Variants in CNTN1 observed in about 807,000 individuals in gnomAD.
CNTN1 encodes contactin-1.
Under a neutral mutation model 126.4 loss-of-function variants are expected in CNTN1, and 38 were observed. The ratio of observed to expected loss-of-function variants is 0.30; its 90% CI spans 0.23 to 0.39. The LOEUF (loss-of-function observed/expected upper bound fraction) is 0.39, where lower values mean the gene tolerates loss of function less well. CNTN1 is among the 10% of genes least tolerant of loss of function. The pLI is 1.00. For missense variants in CNTN1, 1,009 were observed against 1,248.4 expected (o/e 0.81, Z 2.89); for synonymous variants, 413 against 422.6 (o/e 0.98, Z 0.28).
chr12:41,053,289 C>T (rs942226884), intron 23 of CNTN1, among the ~76,000 whole-genome samples: 6 of 150,360 alleles, frequency 4.0e-5, no homozygotes, highest in Admixed American at 6.7e-5. Context: ...TATAGAGTCA[C>T]TATGAATGGC....
At chr12:40,737,144 A>G in intron 1 of CNTN1, among the ~76,000 whole-genome samples, 1 of 151,802 alleles carries the variant, frequency 6.6e-6, no homozygotes, top group East Asian at 1.9e-4. Flanking sequence ...TTATATATAA[A>G]TTTTTTATCT....
chr12:40,695,169 C>G (rs745840950), intron 1 of CNTN1, among the ~76,000 whole-genome samples: 5 of 152,176 alleles, frequency 3.3e-5, no homozygotes, highest in Non-Finnish European at 7.3e-5. Flanking sequence ...TATACCCCAC[C>G]ACATTGAACA....
chr12:41,038,639 G>A (rs574634191), intron 23 of CNTN1, among the ~76,000 whole-genome samples: 1 of 152,232 alleles, frequency 6.6e-6, no homozygotes, highest in East Asian at 1.9e-4. Context: ...CCCAAACAGA[G>A]GTCATTGGTA....
intron 2 of CNTN1, 47 bp downstream of exon 2, chr12:40,908,540 T>G: frequency 7.6e-7 from 1 of 1,312,284 alleles, no homozygotes; most frequent in Non-Finnish European, 1.1e-6. Flanking sequence ...GTCAACATAA[T>G]TGATATGCGT....
intron 17 of CNTN1, chr12:41,004,911 G>C: frequency 6.6e-6 from 1 of 152,110 alleles, no homozygotes; most frequent in Non-Finnish European, 1.5e-5. Context: ...GTTTTAATTG[G>C]GGCATTTAGT....
intron 20 of CNTN1, among the ~76,000 whole-genome samples, chr12:41,021,151 T>C (rs547422223): frequency 6.6e-6 from 1 of 152,170 alleles, no homozygotes; most frequent in African/African-American, 2.4e-5. Flanking sequence ...ATTAACATGG[T>C]TTTTCCTTTA....
At chr12:40,934,199 T>C (rs1945999761) in intron 9 of CNTN1, among the ~76,000 whole-genome samples, 1 of 152,000 alleles carries the variant, frequency 6.6e-6, no homozygotes, top group South Asian at 2.1e-4. Flanking sequence ...TTTTTATTTA[T>C]AGAAGAAGCT....
intron 1 of CNTN1, among the ~76,000 whole-genome samples, chr12:40,763,676 G>A (rs968257595): frequency 2.6e-5 from 4 of 152,132 alleles, no homozygotes; most frequent in Admixed American, 2.6e-4. Context: ...TTTGTCTAGG[G>A]TGCCACAGAA....
intron 1 of CNTN1, among the ~76,000 whole-genome samples, chr12:40,844,572 A>G (rs536124511): frequency 3.4e-4 from 52 of 152,174 alleles, no homozygotes; most frequent in Non-Finnish European, 6.0e-4. Context: ...GAGTGATATT[A>G]TTTAGAATTT....
chr12:40,738,258 C>T (rs980383040), intron 1 of CNTN1, among the ~76,000 whole-genome samples: 4 of 151,952 alleles, frequency 2.6e-5, no homozygotes, highest in African/African-American at 7.2e-5. Flanking sequence ...TATATGGATA[C>T]ACCAACTAGT....
At chr12:40,885,662 T>C (rs532902349) in intron 1 of CNTN1, among the ~76,000 whole-genome samples, 1 of 152,178 alleles carries the variant, frequency 6.6e-6, no homozygotes, top group South Asian at 2.1e-4. Context: ...GTAAGTGCTA[T>C]GTATGCATTA....
At chr12:40,976,491 C>T (rs1947676454) in intron 15 of CNTN1, among the ~76,000 whole-genome samples, 1 of 151,322 alleles carries the variant, frequency 6.6e-6, no homozygotes, top group African/African-American at 2.4e-5. Context: ...TACATTTTCC[C>T]TGGTTTCCTG....
At chr12:40,917,890 C>T (rs926006532) in intron 3 of CNTN1, among the ~76,000 whole-genome samples, 4 of 152,042 alleles carry the variant, frequency 2.6e-5, no homozygotes, top group South Asian at 2.1e-4. Flanking sequence ...ATCCAATATC[C>T]GTGTAATTTA....
chr12:40,936,988 A>G, intron 10 of CNTN1, 83 bp downstream of exon 10: 1 of 1,572,874 alleles, frequency 6.4e-7, no homozygotes, highest in Non-Finnish European at 8.7e-7. Flanking sequence ...ATTTAGCAGG[A>G]GAGACAATAC....
chr12:40,702,618 G>A (rs1046185444), intron 1 of CNTN1, among the ~76,000 whole-genome samples: 2 of 151,914 alleles, frequency 1.3e-5, no homozygotes, highest in Non-Finnish European at 2.9e-5. Flanking sequence ...CTAATTTTTT[G>A]TATTTTTAAT....
At chr12:41,026,137 C>G (rs993361449) in intron 21 of CNTN1, among the ~76,000 whole-genome samples, 4 of 152,140 alleles carry the variant, frequency 2.6e-5, no homozygotes, top group Admixed American at 1.3e-4. Flanking sequence ...CTATTTAAAC[C>G]TCAGTTTTCT....
intron 1 of CNTN1, among the ~76,000 whole-genome samples, chr12:40,902,345 T>C (rs1263509011): frequency 6.6e-6 from 1 of 152,180 alleles, no homozygotes; most frequent in African/African-American, 2.4e-5. Flanking sequence ...GAGGAAATTG[T>C]CCCTCAGTTT....
chr12:41,014,297 C>A lies in CNTN1; in HGVS notation c.2183C>A (p.Ala728Glu), dbSNP rs201782849. The A allele has an allele frequency of 1.2e-6, 2 of 1,613,640 alleles. No individual in the cohort carries two copies. The highest frequency in any genetic ancestry group is 4.5e-5 in the East Asian group (2 of 44,864). ...AACAGAGAGCTGACCATAACATGGG[C>A]GGTAAGTATTGATGAGTTGCACATA... is the stretch of plus-strand genomic sequence containing the variant. ...GRNRELTITW[A>E]PLSREYHYGN... The change falls in exon 18 of 24, where the codon GCG becomes GAG. Residue 728 changes from alanine (A) to glutamate (E), a missense_variant and splice_region_variant. Coordinates refer to ENST00000551295, the MANE Select transcript of CNTN1 (RefSeq NM_001843.4).
chr12:40,726,632 T>C (rs1324834761), intron 1 of CNTN1, among the ~76,000 whole-genome samples: 7 of 152,168 alleles, frequency 4.6e-5, no homozygotes, highest in South Asian at 2.1e-4. Flanking sequence ...GGGATTACAA[T>C]TGGAAGTGAG....
Sources: gnomAD v4.1 joint callset for allele counts (sites outside exome capture counted in the v4.1 genomes callset) on GRCh38, gnomAD v4.1.1 for gene constraint, MANE v1.5 for transcripts, NCBI Gene and HGNC (gene_info 2026-07-23, HGNC 2026-07-21) for gene names.